The following TIGAR variants were observed in gnomAD, a reference collection of about 807,000 sequenced individuals.
TIGAR encodes TP53 induced glycolysis regulatory phosphatase.
A neutral mutation model predicts 17.9 loss-of-function variants in TIGAR; 7 were observed. That is an observed-to-expected ratio of 0.39 (90% CI 0.22 to 0.73). The LOEUF is 0.73. Among genes scored for constraint, TIGAR ranks in the 30% least tolerant of loss-of-function variants. The pLI, the probability that TIGAR is intolerant of heterozygous loss-of-function variation, is 0.42. For missense variants in TIGAR, 258 were observed against 327.4 expected, an observed-to-expected ratio of 0.79 and a Z score of 1.64; for synonymous variants, 94 against 108.6, an observed-to-expected ratio of 0.87 and a Z score of 0.84.
chr12:4,328,335 G>A (rs964573387), intron 1 of TIGAR, among the ~76,000 whole-genome samples: 1 of 151,626 alleles, frequency 6.6e-6, no homozygotes, highest in African/African-American at 2.4e-5. Flanking sequence ...GGGATTACAG[G>A]TGCCTGCCAC....
At chr12:4,334,352 G>A (rs1864636353) in intron 2 of TIGAR, among the ~76,000 whole-genome samples, 1 of 152,136 alleles carries the variant, frequency 6.6e-6, no homozygotes, top group South Asian at 2.1e-4. Context: ...CACTTATAAG[G>A]ACACTAATCC....
chr12:4,339,527 A>G (rs895036669), intron 3 of TIGAR, among the ~76,000 whole-genome samples: 1 of 152,236 alleles, frequency 6.6e-6, no homozygotes, highest in African/African-American at 2.4e-5. Flanking sequence ...GGAGGAGGGA[A>G]TACTTCCAAA....
intron 3 of TIGAR, among the ~76,000 whole-genome samples, chr12:4,346,297 C>A (rs1484214524): frequency 6.6e-6 from 1 of 152,182 alleles, no homozygotes; most frequent in African/African-American, 2.4e-5. Flanking sequence ...TATAAAGACA[C>A]ATACACATGT....
At chr12:4,328,430 G>T (rs1156243416) in intron 1 of TIGAR, among the ~76,000 whole-genome samples, 1 of 151,828 alleles carries the variant, frequency 6.6e-6, no homozygotes, top group East Asian at 1.9e-4. Flanking sequence ...GACCTCAGGT[G>T]ATCTGCCCTC....
At position 4,358,381 on chromosome 12, in the gene TIGAR, T is replaced by A. The variant is rs1864935706; in HGVS notation, c.*5690T>A. Among the ~76,000 whole-genome samples, 1 of 152,030 alleles carries A rather than the reference T, an allele frequency of 6.6e-6. No individual in the cohort carries two copies. The highest frequency in any genetic ancestry group is 6.5e-5 in the Admixed American group (1 of 15,276). On this transcript the variant is annotated 3_prime_UTR_variant, in exon 6 of 6. Transcript: ENST00000179259. ...TGTGTATGTGCGTGTGTTTTGGTAA[T>A]CTTTTATCTTGGATTTATCAAACCT... is the stretch of plus-strand genomic sequence containing the variant.
rs758380199 is a variant in TIGAR, at chr12:4,352,410, T to C, written c.532T>C (p.Ser178Pro). 1 of 1,614,044 alleles carries C rather than the reference T, an allele frequency of 6.2e-7. No individual in the cohort carries two copies. Residue 178 changes from serine to proline, a missense_variant, in exon 6 of 6, where the codon TCT becomes CCT. Ser to Pro is a moderately conservative substitution (Grantham distance 74). Coordinates refer to ENST00000179259, the MANE Select transcript of TIGAR (RefSeq NM_020375.3). The stretch of plus-strand genomic sequence containing the variant: ...ATTTCCTTTAGGAAAAAATCACAGC[T>C]CTAAAGTTAATTCAGACAGCGGTAT... ...EIFPLGKNHS[S>P]KVNSDSGIPG...
At chr12:4,324,733 C>A (rs1291560385) in intron 1 of TIGAR, 11 of 600,836 alleles carry the variant, frequency 1.8e-5, no homozygotes, top group South Asian at 1.6e-4. Flanking sequence ...GGACACGTCC[C>A]GTCCCGCAGC....
chr12:4,325,212 GATTAC>G (rs1864531369), intron 1 of TIGAR, among the ~76,000 whole-genome samples: 1 of 152,044 alleles, frequency 6.6e-6, no homozygotes, highest in Non-Finnish European at 1.5e-5. Flanking sequence ...AAAGTGTTGG[GATTAC>G]AGGCGTGAGC....
At chr12:4,345,769 T>C (rs1178925693) in intron 3 of TIGAR, among the ~76,000 whole-genome samples, 1 of 152,096 alleles carries the variant, frequency 6.6e-6, no homozygotes. Context: ...GGGATCTAAT[T>C]AAACTAAAGA....
Position 4,354,704 on chromosome 12 carries a change from A to G in TIGAR, c.*2013A>G, listed in dbSNP as rs1192460814. 1 of 148,312 alleles carries G rather than the reference A, an allele frequency of 6.7e-6. No individual in the cohort carries two copies. Among genetic ancestry groups the G allele is most frequent in the Non-Finnish European group, 1.5e-5 (1 of 66,830 alleles). The allele number at this position is 148,312 out of a possible 1,614,324, so 9.2% of individuals were successfully genotyped here. ...TGTTTATTAGTGGGCATTTAGGTAT[A>G]TTCAGTTTTTATTTTCTTTGCTTTT... On this transcript the variant is annotated 3_prime_UTR_variant, in exon 6 of 6. Coordinates refer to ENST00000179259, the MANE Select transcript of TIGAR (RefSeq NM_020375.3).
At chr12:4,329,506 A>G (rs1864582719) in intron 1 of TIGAR, among the ~76,000 whole-genome samples, 2 of 151,368 alleles carry the variant, frequency 1.3e-5, no homozygotes, top group African/African-American at 4.9e-5. Flanking sequence ...GCATGGCTAA[A>G]TTTTGTATTT....
chr12:4,328,983 C>T (rs1484628606), intron 1 of TIGAR, among the ~76,000 whole-genome samples: 1 of 152,192 alleles, frequency 6.6e-6, no homozygotes, highest in Non-Finnish European at 1.5e-5. Flanking sequence ...CTTCCCCCAA[C>T]CAATAGGTGG....
chr12:4,348,860 G>C (rs571289090), intron 3 of TIGAR, among the ~76,000 whole-genome samples: 2 of 152,210 alleles, frequency 1.3e-5, no homozygotes, highest in South Asian at 4.2e-4. Context: ...GAATAAAAAT[G>C]AGCTAAAGAC....
chr12:4,336,345 A>T (rs1864657393), intron 2 of TIGAR, among the ~76,000 whole-genome samples: 1 of 150,826 alleles, frequency 6.6e-6, no homozygotes, highest in Non-Finnish European at 1.5e-5. Flanking sequence ...CACCACCTTC[A>T]TTTTTTTCAT....
Position 4,357,914 on chromosome 12 carries a change from T to C in TIGAR, c.*5223T>C, listed in dbSNP as rs375567035. Among the ~76,000 whole-genome samples, 215 of 150,962 alleles carry C rather than the reference T, an allele frequency of 1.4e-3. No homozygotes were observed. Among genetic ancestry groups the C allele is most frequent in the Admixed American group, 2.6e-3 (40 of 15,186 alleles). ...GTCAGGAGATAGAGACCATCCTGGC[T>C]AACACAGTGAAACCTCGTCTCCACT... On this transcript the variant is annotated 3_prime_UTR_variant, in exon 6 of 6. Coordinates refer to ENST00000179259, the MANE Select transcript of TIGAR (RefSeq NM_020375.3).
Position 4,357,832 on chromosome 12 carries a change from G to GCA in TIGAR, c.*5141_*5142insCA, listed in dbSNP as rs1864922214. Among the ~76,000 whole-genome samples, 1 of 152,156 alleles carries GCA rather than the reference G, an allele frequency of 6.6e-6. No individual in the cohort carries two copies. The highest frequency in any genetic ancestry group is 6.5e-5 in the Admixed American group (1 of 15,272). On this transcript the variant is annotated 3_prime_UTR_variant, in exon 6 of 6. Transcript: ENST00000179259. The stretch of plus-strand genomic sequence containing the variant: ...AGCAATCGCTGAGGTGGCTGGGCGT[G>GCA]GTGGCTCGCACCTGTAATCCCAGCA...
chr12:4,330,692 GT>G (rs1329428121), intron 1 of TIGAR, among the ~76,000 whole-genome samples: 1 of 152,118 alleles, frequency 6.6e-6, no homozygotes, highest in Non-Finnish European at 1.5e-5. Flanking sequence ...GCTTTGATTT[GT>G]TTTGGTATTT....
Position 4,352,256 on chromosome 12 carries a change from G to A in TIGAR, c.382-4G>A, listed in dbSNP as rs778858748. ...TATTTTGACTTTTATTTCTTTTCTT[G>A]TAGGTGAAAATGCGTGGAATAGACT... On this transcript the variant is annotated splice_region_variant and splice_polypyrimidine_tract_variant and intron_variant, in intron 5 of 5. Transcript: ENST00000179259. 8.8e-6 allele frequency: 14 copies of A among 1,598,530 alleles called. No individual in the cohort carries two copies. The highest frequency in any genetic ancestry group is 1.4e-5 in the African/African-American group (1 of 73,930).
rs566610951 is a variant in TIGAR, at chr12:4,354,400, T to C, written c.*1709T>C. The C allele has an allele frequency of 1.3e-5, 2 of 152,022 alleles. No individual in the cohort carries two copies. The highest frequency in any genetic ancestry group is 2.1e-4 in the South Asian group (1 of 4,816). The allele number at this position is 152,022 out of a possible 1,614,324, so 9.4% of individuals were successfully genotyped here. ...ACAAAACATAAAGATAAAAGTAGAGTTCTCTTTAACCAGCTCTCACAGTCC... is the reference window on the plus strand; with the variant it reads ...ACAAAACATAAAGATAAAAGTAGAGCTCTCTTTAACCAGCTCTCACAGTCC... On this transcript the variant is annotated 3_prime_UTR_variant, in exon 6 of 6. Coordinates refer to ENST00000179259, the MANE Select transcript of TIGAR (RefSeq NM_020375.3).
Sources: gnomAD v4.1 joint callset for allele counts (sites outside exome capture counted in the v4.1 genomes callset) on GRCh38, gnomAD v4.1.1 for gene constraint, MANE v1.5 for transcripts, NCBI Gene and HGNC (gene_info 2026-07-23, HGNC 2026-07-21) for gene names.